Variants in CCDC91 observed in about 807,000 individuals in gnomAD.
The protein encoded by CCDC91 is coiled-coil domain-containing protein 91.
Under a neutral mutation model 63.2 loss-of-function variants are expected in CCDC91, and 48 were observed. The observed-to-expected ratio is 0.76, with a 90% confidence interval of 0.60 to 0.97. The LOEUF is 0.97. CCDC91 is among the 50% of genes least tolerant of loss of function. CCDC91 has a pLI of 0.00. For missense variants in CCDC91, 500 were observed against 494.6 expected (o/e 1.01, Z -0.10); for synonymous variants, 167 against 165.8 (o/e 1.01, Z -0.06).
intron 8 of CCDC91, among the ~76,000 whole-genome samples, chr12:28,398,281 G>T (rs975985910): frequency 1.3e-5 from 2 of 151,784 alleles, no homozygotes; most frequent in African/African-American, 4.8e-5. Context: ...GAATTATATG[G>T]TATCTATTCT....
At chr12:28,260,464 G>C (rs765573590) in intron 3 of CCDC91, among the ~76,000 whole-genome samples, 1 of 151,944 alleles carries the variant, frequency 6.6e-6, no homozygotes, top group East Asian at 1.9e-4. Flanking sequence ...TGAGGGCTGT[G>C]TGTTATTTCC....
At chr12:28,472,640 T>A (rs1393476082) in intron 11 of CCDC91, among the ~76,000 whole-genome samples, 1 of 152,188 alleles carries the variant, frequency 6.6e-6, no homozygotes, top group Non-Finnish European at 1.5e-5. Flanking sequence ...ACATATTTAA[T>A]CTTTAAAATG....
chr12:28,512,745 T>C (rs1592911161), intron 12 of CCDC91, among the ~76,000 whole-genome samples: 1 of 152,008 alleles, frequency 6.6e-6, no homozygotes, highest in East Asian at 2.0e-4. Flanking sequence ...CGATAGGGTT[T>C]ATGAACTAAT....
chr12:28,232,854 G>A (rs1203626701), intron 1 of CCDC91, among the ~76,000 whole-genome samples: 1 of 151,696 alleles, frequency 6.6e-6, no homozygotes, highest in Non-Finnish European at 1.5e-5. Flanking sequence ...GTTGGTGCAT[G>A]CCTGTAATCC....
chr12:28,323,707 T>C (rs1165922340), intron 6 of CCDC91, among the ~76,000 whole-genome samples: 3 of 151,956 alleles, frequency 2.0e-5, no homozygotes, highest in Non-Finnish European at 4.4e-5. Flanking sequence ...CATTATTCTC[T>C]ATTTTTAGGG....
chr12:28,441,074 A>G (rs1409651535), intron 8 of CCDC91, among the ~76,000 whole-genome samples: 7 of 27,212 alleles, frequency 2.6e-4, no homozygotes, highest in Non-Finnish European at 5.8e-4. Flanking sequence ...AAAAAAAAAA[A>G]AAAAAAAAAA....
At chr12:28,503,547 A>G (rs1385421017) in intron 12 of CCDC91, among the ~76,000 whole-genome samples, 2 of 152,172 alleles carry the variant, frequency 1.3e-5, no homozygotes, top group African/African-American at 4.8e-5. Context: ...GGGATCTAGA[A>G]CTAGAATTAC....
chr12:28,447,096 C>T lies in CCDC91; in HGVS notation c.763-3065C>T, dbSNP rs563285267. 6.6e-5 allele frequency among the ~76,000 whole-genome samples: 10 copies of T among 152,286 alleles called. No individual in the cohort carries two copies. The East Asian group carries it at 1.7e-3, about 26-fold the overall frequency. The stretch of plus-strand genomic sequence containing the variant: ...TAAAATATACAACTTGCTCAACCTT[C>T]AGCCTGTTAATATGGTTTCTAGGAA... On this transcript the variant is annotated intron_variant, in intron 8 of 12. Coordinates refer to ENST00000536442, the MANE Select transcript of CCDC91 (RefSeq NM_018318.5).
chr12:28,256,798 T>C (rs1233032708), intron 1 of CCDC91: 1 of 155,294 alleles, frequency 6.4e-6, no homozygotes, highest in Non-Finnish European at 1.4e-5. Flanking sequence ...AGAACCTTTG[T>C]GGTAGGGGAC....
At chr12:28,525,118 G>C (rs916561875) in intron 12 of CCDC91, among the ~76,000 whole-genome samples, 2 of 151,674 alleles carry the variant, frequency 1.3e-5, no homozygotes, top group Non-Finnish European at 2.9e-5. Flanking sequence ...CTCACATTTC[G>C]GTTATTTCCT....
At chr12:28,321,623 CTTG>C (rs934312067) in intron 6 of CCDC91, among the ~76,000 whole-genome samples, 4 of 151,712 alleles carry the variant, frequency 2.6e-5, no homozygotes, top group Admixed American at 1.3e-4. Flanking sequence ...CATCAGAGAA[CTTG>C]TTGTCTATGT....
At chr12:28,508,354 C>T (rs566465954) in intron 12 of CCDC91, among the ~76,000 whole-genome samples, 1 of 151,696 alleles carries the variant, frequency 6.6e-6, no homozygotes, top group African/African-American at 2.4e-5. Flanking sequence ...TCCTCTTATG[C>T]TTGGTTGAAC....
chr12:28,465,868 C>T (rs1369502658), intron 11 of CCDC91, among the ~76,000 whole-genome samples: 1 of 152,048 alleles, frequency 6.6e-6, no homozygotes, highest in Non-Finnish European at 1.5e-5. Flanking sequence ...AGATATATGA[C>T]CTTTCAGACA....
chr12:28,218,805 A>G (rs1476842316), intron 1 of CCDC91, among the ~76,000 whole-genome samples: 1 of 152,102 alleles, frequency 6.6e-6, no homozygotes, highest in Non-Finnish European at 1.5e-5. Context: ...ATTGTTGCAT[A>G]TATAAATAGG....
chr12:28,439,105 G>A (rs994495367), intron 8 of CCDC91, among the ~76,000 whole-genome samples: 3 of 152,082 alleles, frequency 2.0e-5, no homozygotes, highest in Non-Finnish European at 4.4e-5. Flanking sequence ...TACTTAAATA[G>A]GAAGAACAAC....
At chr12:28,447,713 AAGGGCAGGGC>A (rs758786357) in intron 8 of CCDC91, among the ~76,000 whole-genome samples, 41 of 59,018 alleles carry the variant, frequency 6.9e-4, no homozygotes, top group Middle Eastern at 9.8e-3. Flanking sequence ...GAAGAATGGG[AAGGGCAGGGC>A]AGGGCAGGGC....
At chr12:28,249,771 C>T (rs1327728064) in intron 1 of CCDC91, among the ~76,000 whole-genome samples, 1 of 150,824 alleles carries the variant, frequency 6.6e-6, no homozygotes, top group Admixed American at 6.6e-5. Flanking sequence ...AGTACTTCTT[C>T]AATCACATTT....
At chr12:28,299,839 C>T (rs1304451306) in intron 3 of CCDC91, among the ~76,000 whole-genome samples, 1 of 151,270 alleles carries the variant, frequency 6.6e-6, no homozygotes, top group African/African-American at 2.4e-5. Flanking sequence ...TTTTTATTCC[C>T]TCAACCTTTT....
intron 3 of CCDC91, among the ~76,000 whole-genome samples, chr12:28,290,686 T>C (rs1156435400): frequency 6.6e-6 from 1 of 152,204 alleles, no homozygotes; most frequent in Non-Finnish European, 1.5e-5. Flanking sequence ...AATTGTTTTT[T>C]ATATTTTGTT....
Sources: gnomAD v4.1 joint callset for allele counts (sites outside exome capture counted in the v4.1 genomes callset) on GRCh38, gnomAD v4.1.1 for gene constraint, MANE v1.5 for transcripts, NCBI Gene and HGNC (gene_info 2026-07-23, HGNC 2026-07-21) for gene names.